The following CENPE variants were observed in gnomAD, a reference collection of about 807,000 sequenced individuals.
The protein encoded by CENPE is centromere-associated protein E.
Under a neutral mutation model 336.1 loss-of-function variants are expected in CENPE, and 145 were observed. That is an observed-to-expected ratio of 0.43 (90% confidence interval 0.38 to 0.50). CENPE has a LOEUF of 0.50. Ranked by LOEUF, CENPE falls within the 20% of genes least tolerant of loss-of-function variation. CENPE has a pLI of 0.00. For missense variants in CENPE, 2,719 were observed against 3,023.3 expected (o/e 0.90, Z 2.36); for synonymous variants, 1,013 against 984.8 (o/e 1.03, Z -0.54).
intron 42 of CENPE, among the ~76,000 whole-genome samples, chr4:103,124,067 T>TA (rs1750882485): frequency 6.6e-6 from 1 of 152,246 alleles, no homozygotes; most frequent in Admixed American, 6.5e-5. Flanking sequence ...ACTAATCTCT[T>TA]ACTGTGTCTA....
chr4:103,156,905 A>G (rs933270526), intron 24 of CENPE, among the ~76,000 whole-genome samples: 8 of 152,024 alleles, frequency 5.3e-5, no homozygotes, highest in African/African-American at 1.9e-4. Flanking sequence ...ACAACCCAGT[A>G]TAAAAATGGG....
intron 42 of CENPE, among the ~76,000 whole-genome samples, chr4:103,130,203 T>G (rs1052313626): frequency 2.0e-5 from 3 of 152,122 alleles, no homozygotes; most frequent in Admixed American, 6.5e-5. Context: ...GTACACAAAT[T>G]TGTAAAGAAG....
At chr4:103,146,253 T>A in intron 29 of CENPE, 146 bp from the exon 30 acceptor site, 1 of 731,630 alleles carries the variant, frequency 1.4e-6, no homozygotes, top group Non-Finnish European at 2.2e-6. Context: ...ACTCTTCCAT[T>A]ATTCAGGCAT....
chr4:103,146,253 T>C, intron 29 of CENPE, 146 bp from the exon 30 acceptor site: 1 of 731,630 alleles, frequency 1.4e-6, no homozygotes, highest in Non-Finnish European at 2.2e-6. Context: ...ACTCTTCCAT[T>C]ATTCAGGCAT....
rs1471771035 is a variant in CENPE, at chr4:103,145,945, T to C, written c.4297A>G (p.Ser1433Gly). Reference protein sequence around the residue: ...MLGLSKRLQESHDEMKSVAKE... With the variant: ...MLGLSKRLQEGHDEMKSVAKE... Reference sequence around the variant, plus strand: ...GCTACAGATTTCATTTCATCATGACTTTCTTGAAGTCTTTTGGACAATCCG... The same window carrying C: ...GCTACAGATTTCATTTCATCATGACCTTCTTGAAGTCTTTTGGACAATCCG... Residue 1433 changes from serine (S) to glycine (G), a missense_variant, in exon 30 of 49, where the codon AGT (serine) becomes GGT (glycine). By Grantham distance (56) the Ser-to-Gly change is moderately conservative. Coordinates refer to ENST00000265148, the MANE Select transcript of CENPE (RefSeq NM_001813.3). The C allele has an allele frequency of 6.2e-7, 1 of 1,614,034 alleles. No individual in the cohort carries two copies. The highest frequency in any genetic ancestry group is 8.5e-7 in the Non-Finnish European group (1 of 1,179,960).
intron 43 of CENPE, among the ~76,000 whole-genome samples, chr4:103,121,816 C>T (rs1388749123): frequency 6.6e-6 from 1 of 152,128 alleles, no homozygotes; most frequent in African/African-American, 2.4e-5. Context: ...CAACCTTGGC[C>T]TCCCAAAGTA....
At position 103,196,994 on chromosome 4, in the gene CENPE, A is replaced by G. The variant is rs1441379811; in HGVS notation, c.57-144T>C. On this transcript the variant is annotated intron_variant, in intron 1 of 48. Coordinates refer to ENST00000265148, the MANE Select transcript of CENPE (RefSeq NM_001813.3). Reference sequence around the variant, plus strand: ...CAGAAAGTCCATCTTTGAGGATTCAACTCTTAAATGGAGCTTCAGTGACCT... The same window carrying G: ...CAGAAAGTCCATCTTTGAGGATTCAGCTCTTAAATGGAGCTTCAGTGACCT... The G allele has an allele frequency of 1.9e-5, 12 of 640,398 alleles. 1 individual carries two copies. The highest frequency in any genetic ancestry group is 3.4e-5 in the Non-Finnish European group (12 of 357,242). The allele number at this position is 640,398 out of a possible 1,614,324, so 39.7% of individuals were successfully genotyped here.
rs374972262 is a variant in CENPE at position 103,196,869 on chromosome 4, C to A, written c.57-19G>T. 2 of 1,202,600 alleles carry A rather than the reference C, an allele frequency of 1.7e-6. No individual in the cohort carries two copies. Among genetic ancestry groups the A allele is most frequent in the Non-Finnish European group, 2.5e-6 (2 of 810,124 alleles). The allele number at this position is 1,202,600 out of a possible 1,614,324, so 74.5% of individuals were successfully genotyped here. A position where few individuals can be genotyped will look rare whatever the true frequency, so the allele number is the denominator to read the frequency against. ...TTCTTCTCTAAAAGAATAAAAACAC[C>A]GCATTTTAACCAGTCATAAAAGTCA... On this transcript the variant is annotated intron_variant, in intron 1 of 48. Transcript: ENST00000265148.
chr4:103,155,207 T>C (rs1223142601), intron 24 of CENPE, among the ~76,000 whole-genome samples: 1 of 152,214 alleles, frequency 6.6e-6, no homozygotes, highest in Admixed American at 6.5e-5. Context: ...TTCTATTGTC[T>C]CTATAACTGC....
intron 24 of CENPE, among the ~76,000 whole-genome samples, chr4:103,156,293 A>G (rs887702862): frequency 2.6e-5 from 4 of 152,194 alleles, no homozygotes; most frequent in Non-Finnish European, 5.9e-5. Context: ...CTTGAAAAAG[A>G]AGAACGAAGT....
In CENPE at chr4:103,148,972, T is replaced by C. The variant is rs369033323; in HGVS notation, c.3715A>G (p.Ile1239Val). The C allele has an allele frequency of 1.2e-6, 2 of 1,613,630 alleles. No homozygotes were observed. The highest frequency in any genetic ancestry group is 1.7e-6 in the Non-Finnish European group (2 of 1,179,866). The change falls in exon 28 of 49, where the codon ATT (isoleucine) becomes GTT (valine). Residue 1239 changes from isoleucine (I) to valine (V), a missense_variant. By Grantham distance (29) the Ile-to-Val change is conservative. This residue lies in a region of CENPE where 2,437 missense variants were observed against 2,513.3 expected (regional missense o/e 0.97). Coordinates refer to ENST00000265148, the MANE Select transcript of CENPE (RefSeq NM_001813.3). ...TGLQTKEELK[I>V]AHIHLKEHQE... ...TGTTCTTTTAGGTGAATATGAGCAA[T>C]TTTTAGTTCTTCTTTGGTTTGTAGG...
chr4:103,169,935 A>G (rs1203448744), intron 16 of CENPE, among the ~76,000 whole-genome samples: 4 of 152,224 alleles, frequency 2.6e-5, no homozygotes, highest in African/African-American at 9.6e-5. Context: ...CATATACACC[A>G]TGGAATACTA....
chr4:103,185,340 G>T (rs1578681140), intron 9 of CENPE, among the ~76,000 whole-genome samples: 2 of 150,362 alleles, frequency 1.3e-5, no homozygotes, highest in African/African-American at 2.4e-5. Flanking sequence ...CTTTATATCA[G>T]TCTTGTACAA....
intron 44 of CENPE, 46 bp downstream of exon 44, chr4:103,120,102 A>AG: frequency 7.6e-7 from 1 of 1,324,068 alleles, no homozygotes. Flanking sequence ...TCAATAGGTT[A>AG]AACAAACAAA....
intron 48 of CENPE, among the ~76,000 whole-genome samples, chr4:103,107,583 C>G (rs767868624): frequency 7.2e-5 from 11 of 152,194 alleles, no homozygotes; most frequent in Non-Finnish European, 1.6e-4. Flanking sequence ...GTGAGAAAGA[C>G]TACAAGAAAT....
chr4:103,144,615 T>C lies in CENPE; in HGVS notation c.4861A>G (p.Lys1621Glu). The change falls in exon 33 of 49, where the codon AAA becomes GAA. Residue 1621 changes from lysine to glutamate, a missense_variant. This residue lies in a region of CENPE where 2,437 missense variants were observed against 2,513.3 expected (regional missense o/e 0.97). Coordinates refer to ENST00000265148, the MANE Select transcript of CENPE (RefSeq NM_001813.3). ...TGATATTCTTTTTCTTGAGATTCTT[T>C]CATCTGAGAAAATTATAAAGTAAGT... ...ENTKEIVAKM[K>E]ESQEKEYQFL... The C allele has an allele frequency of 6.3e-7, 1 of 1,594,966 alleles. No individual in the cohort carries two copies. Among genetic ancestry groups the C allele is most frequent in the Non-Finnish European group, 8.5e-7 (1 of 1,171,522 alleles).
In CENPE at chr4:103,163,220, T is replaced by C; in HGVS notation, c.1759A>G (p.Lys587Glu). Residue 587 changes from lysine (K) to glutamate (E), a missense_variant, in exon 18 of 49, where the codon AAG becomes GAG. Around this residue, in one of 5 missense-constraint regions of CENPE, gnomAD observed 2,437 missense variants for 2,513.3 expected, o/e 0.97. Coordinates refer to ENST00000265148, the MANE Select transcript of CENPE (RefSeq NM_001813.3). ...TGTAGCTTCTTAATCTGGTCTTCCT[T>C]TTCTCTAAGCAGCTCTACTTTTGAA... The part of the protein sequence containing the change: ...LSSKVELLRE[K>E]EDQIKKLQEY... 6.2e-7 allele frequency: 1 copy of C among 1,609,498 alleles called. No individual in the cohort carries two copies. The highest frequency in any genetic ancestry group is 8.5e-7 in the Non-Finnish European group (1 of 1,176,736).
At chr4:103,182,437 T>C (rs1197019549) in intron 11 of CENPE, among the ~76,000 whole-genome samples, 1 of 152,220 alleles carries the variant, frequency 6.6e-6, no homozygotes, top group Non-Finnish European at 1.5e-5. Flanking sequence ...TTACCTTCTA[T>C]TTGTGGCAAG....
chr4:103,120,095 A>G lies in CENPE; in HGVS notation c.7329+53T>C, dbSNP rs1056020613. ...AGCACAAGGAGATTTGCTGAATTCAATAGGTTAAACAAACAAACAAACAAA... is the reference window on the plus strand; with the variant it reads ...AGCACAAGGAGATTTGCTGAATTCAGTAGGTTAAACAAACAAACAAACAAA... On this transcript the variant is annotated intron_variant, in intron 44 of 48. Transcript: ENST00000265148. 4.4e-5 allele frequency: 58 copies of G among 1,307,802 alleles called. No homozygotes were observed. The Middle Eastern group carries it at 1.6e-3, about 36-fold the overall frequency. The allele number at this position is 1,307,802 out of a possible 1,614,324, so 81.0% of individuals were successfully genotyped here. A position where few individuals can be genotyped will look rare whatever the true frequency, so the allele number is the denominator to read the frequency against.
Sources: gnomAD v4.1 joint callset for allele counts (sites outside exome capture counted in the v4.1 genomes callset) on GRCh38, gnomAD v4.1.1 for gene constraint, gnomAD v4.1.1 regional missense constraint, MANE v1.5 for transcripts, NCBI Gene and HGNC (gene_info 2026-07-23, HGNC 2026-07-21) for gene names.